The following ACSM1 variants were observed in gnomAD, a reference collection of about 807,000 sequenced individuals.
ACSM1 encodes the protein acyl-CoA synthetase medium chain family member 1, also known as acyl-coenzyme A synthetase ACSM1, mitochondrial.
Under a neutral mutation model 75.8 loss-of-function variants are expected in ACSM1, and 79 were observed. The observed-to-expected ratio is 1.04, with a 90% CI of 0.87 to 1.26. The LOEUF (loss-of-function observed/expected upper bound fraction) is 1.26. Ranked by LOEUF, ACSM1 falls within the 50% of genes most tolerant of loss-of-function variation. The pLI is 0.00. For synonymous variants in ACSM1, 279 were observed against 265.8 expected, an observed-to-expected ratio of 1.05 and a Z score of -0.48; for missense variants, 676 against 720.1, an observed-to-expected ratio of 0.94 and a Z score of 0.70.
intron 1 of ACSM1, among the ~76,000 whole-genome samples, chr16:20,693,011 A>C (rs1596478975): frequency 1.3e-5 from 2 of 152,034 alleles, no homozygotes. Flanking sequence ...TCTACTAAAA[A>C]TTTGAAAAAT....
intron 7 of ACSM1, among the ~76,000 whole-genome samples, chr16:20,659,050 T>C (rs1474319466): frequency 6.6e-6 from 1 of 152,186 alleles, no homozygotes; most frequent in African/African-American, 2.4e-5. Flanking sequence ...CTTGTAAATG[T>C]TATGCCAGAT....
intron 4 of ACSM1, chr16:20,681,711 A>C (rs1213313379): frequency 1.3e-5 from 2 of 153,978 alleles, no homozygotes; most frequent in African/African-American, 2.4e-5. Context: ...AAAAAGCAAC[A>C]AAGGGGGGAA....
chr16:20,686,440 A>G (rs750750612), intron 2 of ACSM1, among the ~76,000 whole-genome samples: 7 of 152,136 alleles, frequency 4.6e-5, no homozygotes, highest in Non-Finnish European at 1.0e-4. Context: ...TTACACAGGC[A>G]GGGGAACAAC....
Position 20,685,242 on chromosome 16 carries a change from C to G in ACSM1, c.354G>C (p.Leu118=). The G allele has an allele frequency of 1.2e-6, 2 of 1,614,194 alleles. No homozygotes were observed. The highest frequency in any genetic ancestry group is 1.7e-6 in the Non-Finnish European group (2 of 1,180,036). Residue 118 remains leucine, a synonymous_variant, in exon 3 of 14, where the codon CTG becomes CTC. Coordinates refer to ENST00000520010, the MANE Select transcript of ACSM1 (RefSeq NM_001318890.3). ...CCAGCCACCACTCAGGAACTCGAGG[C>G]AGCATCAAGGCCAGATGGTCTCCCT... is the stretch of plus-strand genomic sequence containing the variant. ...LQQGDHLALM[L]PRVPEWWLVA...
At chr16:20,647,338 G>A (rs867555132) in intron 7 of ACSM1, among the ~76,000 whole-genome samples, 22 of 152,326 alleles carry the variant, frequency 1.4e-4, no homozygotes, top group East Asian at 5.8e-4. Flanking sequence ...AATGAAGACC[G>A]ACTAGAGTCA....
chr16:20,664,621 A>G (rs1207312895), intron 6 of ACSM1, among the ~76,000 whole-genome samples: 3 of 152,186 alleles, frequency 2.0e-5, no homozygotes, highest in Non-Finnish European at 4.4e-5. Context: ...CAAAGAAATT[A>G]TGGACTTAAA....
chr16:20,630,977 T>C (rs74014540), intron 10 of ACSM1, among the ~76,000 whole-genome samples: 289 of 152,154 alleles, frequency 1.9e-3, no homozygotes, highest in African/African-American at 6.7e-3. Context: ...TTGAGACAAA[T>C]GAAATAAAAA....
intron 7 of ACSM1, among the ~76,000 whole-genome samples, chr16:20,646,462 CA>C (rs2018369661): frequency 6.6e-6 from 1 of 152,136 alleles, no homozygotes; most frequent in African/African-American, 2.4e-5. Flanking sequence ...CATTGAGGGC[CA>C]GGGGGTTAAC....
At chr16:20,654,181 CT>C (rs750047350) in intron 7 of ACSM1, among the ~76,000 whole-genome samples, 2 of 152,116 alleles carry the variant, frequency 1.3e-5, no homozygotes, top group Non-Finnish European at 2.9e-5. Flanking sequence ...ATAAATGGCT[CT>C]GGGATAACTG....
chr16:20,669,926 C>A lies in ACSM1; in HGVS notation c.813G>T (p.Trp271Cys). 2 of 1,613,914 alleles carry A rather than the reference C, an allele frequency of 1.2e-6. No homozygotes were observed. The highest frequency in any genetic ancestry group is 2.2e-5 in the South Asian group (2 of 91,074). ...CCAGGGTCCAAATGGTAGCCACAAT[C>A]CATCCTGAGTCCGACAGGCACCAGG... ...DVSWCLSDSG[W>C]IVATIWTLVE... Residue 271 changes from tryptophan to cysteine, a missense_variant, in exon 6 of 14, where the codon TGG becomes TGT. Transcript: ENST00000520010.
rs1326721115 is a variant in ACSM1 at position 20,637,434 on chromosome 16, G to C, written c.1134C>G (p.Thr378=). ...GQSETGLICA[T]YWGMKIKPGF... is the part of the protein sequence containing the mutation. ...CCGGCTTGATCTTCATTCCCCAGTA[G>C]GTGGCACAAATTAGTCCCTGTTCAC... Residue 378 remains threonine (T), a synonymous_variant, in exon 9 of 14, where the codon ACC becomes ACG. Transcript: ENST00000520010. 4 of 1,613,952 alleles carry C rather than the reference G, an allele frequency of 2.5e-6. No individual in the cohort carries two copies. Among genetic ancestry groups the C allele is most frequent in the Admixed American group, 1.7e-5 (1 of 60,026 alleles).
intron 7 of ACSM1, among the ~76,000 whole-genome samples, chr16:20,643,731 C>G (rs2018201203): frequency 6.6e-6 from 1 of 152,250 alleles, no homozygotes; most frequent in African/African-American, 2.4e-5. Flanking sequence ...CTGCTGATTG[C>G]TCCATTTTAC....
chr16:20,672,898 A>G (rs2020041708), intron 4 of ACSM1, among the ~76,000 whole-genome samples: 1 of 130,880 alleles, frequency 7.6e-6, no homozygotes, highest in Non-Finnish European at 1.5e-5. Flanking sequence ...ATATATAATA[A>G]ATATAAATAT....
chr16:20,623,558 T>C lies in ACSM1; in HGVS notation c.1662A>G (p.Ser554=). Residue 554 remains serine, a synonymous_variant, in exon 14 of 14, where the codon TCA becomes TCG. Transcript: ENST00000520010. The part of the protein sequence containing the change: ...YKYPRKVEFV[S]ELPKTITGKI... Reference sequence around the variant, plus strand: ...TGCCAGTGATGGTTTTTGGCAGCTCTGAGACAAACTCCACCTGGTTGAGGA... The same window carrying C: ...TGCCAGTGATGGTTTTTGGCAGCTCCGAGACAAACTCCACCTGGTTGAGGA... 1 of 1,614,126 alleles carries C rather than the reference T, an allele frequency of 6.2e-7. No homozygotes were observed. Among genetic ancestry groups the C allele is most frequent in the Non-Finnish European group, 8.5e-7 (1 of 1,179,968 alleles).
At position 20,669,955 on chromosome 16, in the gene ACSM1, C is replaced by T. The variant is rs1286516482; in HGVS notation, c.784G>A (p.Val262Ile). 11 of 1,613,866 alleles carry T rather than the reference C, an allele frequency of 6.8e-6. No individual in the cohort carries two copies. The East Asian group carries it at 8.9e-5, about 13-fold the overall frequency. Residue 262 changes from valine (V) to isoleucine (I), a missense_variant, in exon 6 of 14, where the codon GTC becomes ATC. Physicochemically the swap from Val to Ile is conservative, Grantham distance 29. Transcript: ENST00000520010. ...CCTGAGTCCGACAGGCACCAGGAGA[C>T]ATCAGATGTCTTCAGGCTCCGTAAT... ...RKLRSLKTSD[V>I]SWCLSDSGWI...
intron 10 of ACSM1, among the ~76,000 whole-genome samples, chr16:20,627,963 A>G (rs2152187993): frequency 7.1e-6 from 1 of 140,770 alleles, no homozygotes. Flanking sequence ...AATTTCCATT[A>G]TGGTGTGAAC....
In ACSM1 at chr16:20,691,235, C is replaced by T. The variant is rs1340399648; in HGVS notation, c.-47G>A. On this transcript the variant is annotated 5_prime_UTR_variant, in exon 2 of 14. In the 5' UTR this introduces an upstream ATG that the reference lacks. Coordinates refer to ENST00000520010, the MANE Select transcript of ACSM1 (RefSeq NM_001318890.3). Reference sequence around the variant, plus strand: ...CAGGCACAGAGTTCTCAAGTCACCACCTGCCTTGGGAAGAGATGGCTAATA... The same window carrying T: ...CAGGCACAGAGTTCTCAAGTCACCATCTGCCTTGGGAAGAGATGGCTAATA... The T allele has an allele frequency of 5.5e-6, 8 of 1,459,738 alleles. No homozygotes were observed. The highest frequency in any genetic ancestry group is 1.4e-5 in the South Asian group (1 of 70,128). The allele number at this position is 1,459,738 out of a possible 1,614,324, so 90.4% of individuals were successfully genotyped here.
intron 4 of ACSM1, chr16:20,681,610 A>G (rs553200888): frequency 2.6e-5 from 4 of 152,818 alleles, no homozygotes; most frequent in Non-Finnish European, 4.4e-5. Flanking sequence ...AGTTGATGGC[A>G]TTAACCAAAT....
At chr16:20,641,785 A>T (rs1156474821) in intron 7 of ACSM1, among the ~76,000 whole-genome samples, 1 of 152,186 alleles carries the variant, frequency 6.6e-6, no homozygotes, top group Non-Finnish European at 1.5e-5. Flanking sequence ...TGGGTGCCCA[A>T]TGTGGGGTGA....
Sources: allele counts gnomAD v4.1 joint callset (sites outside exome capture counted in the v4.1 genomes callset), GRCh38; gene constraint gnomAD v4.1.1; transcripts MANE v1.5; gene names NCBI Gene and HGNC (gene_info 2026-07-23, HGNC 2026-07-21).